The following LIMCH1 variants were observed in gnomAD, a reference collection of about 807,000 sequenced individuals.
LIMCH1 encodes the protein LIM and calponin homology domains-containing protein 1.
In LIMCH1, 113 loss-of-function variants were observed where a neutral mutation model predicts 176.5. The observed-to-expected ratio is 0.64, with a 90% CI of 0.55 to 0.75. The LOEUF (loss-of-function observed/expected upper bound fraction) is 0.75. Ranked by LOEUF, LIMCH1 falls within the 30% of genes least tolerant of loss-of-function variation. LIMCH1 has a pLI of 0.00. For missense variants in LIMCH1, 1,674 were observed against 1,814.9 expected (o/e 0.92, Z 1.41); for synonymous variants, 619 against 645.9 (o/e 0.96, Z 0.63).
At chr4:41,682,539 G>C in intron 26 of LIMCH1, 79 bp downstream of exon 26, 1 of 1,375,374 alleles carries the variant, frequency 7.3e-7, no homozygotes, top group Non-Finnish European at 9.9e-7. Context: ...GGTACTCATT[G>C]CTGATGCAAA....
At chr4:41,364,537 C>T (rs997870984) in intron 1 of LIMCH1, among the ~76,000 whole-genome samples, 2 of 152,160 alleles carry the variant, frequency 1.3e-5, no homozygotes, top group Admixed American at 1.3e-4. Context: ...TAACTAGATG[C>T]TACATGTCAC....
chr4:41,456,028 T>C (rs1298466460), intron 1 of LIMCH1, among the ~76,000 whole-genome samples: 1 of 148,674 alleles, frequency 6.7e-6, no homozygotes, highest in Non-Finnish European at 1.5e-5. Flanking sequence ...ACACTTTTTT[T>C]TGTTTGTTTG....
chr4:41,460,458 C>CTATATATGTATATATATATATA (rs2065175107), intron 1 of LIMCH1, among the ~76,000 whole-genome samples: 1 of 110,546 alleles, frequency 9.0e-6, no homozygotes, highest in Non-Finnish European at 1.8e-5. Flanking sequence ...TAGTAATCAT[C>CTATATATGTATATATATATATA]TATATATATA....
intron 1 of LIMCH1, among the ~76,000 whole-genome samples, chr4:41,468,011 T>C (rs1157171752): frequency 6.6e-6 from 1 of 152,146 alleles, no homozygotes; most frequent in African/African-American, 2.4e-5. Context: ...TCATTTGCTT[T>C]TCATATGGTA....
chr4:41,546,867 G>C (rs35607003), intron 1 of LIMCH1, among the ~76,000 whole-genome samples: 2 of 152,158 alleles, frequency 1.3e-5, no homozygotes, highest in East Asian at 3.9e-4. Context: ...AAGCGAGAGA[G>C]AGAAAGAGAG....
intron 3 of LIMCH1, among the ~76,000 whole-genome samples, chr4:41,524,870 A>AC (rs1184480907): frequency 6.6e-6 from 1 of 152,228 alleles, no homozygotes; most frequent in African/African-American, 2.4e-5. Context: ...AAGAGAAAAC[A>AC]GTCGTTTTAT....
At chr4:41,399,840 A>ATTTTT (rs71198650) in intron 1 of LIMCH1, among the ~76,000 whole-genome samples, 2,821 of 114,026 alleles carry the variant, frequency 0.025, 251 homozygotes, top group African/African-American at 0.1. Context: ...TGCCCGGCTA[A>ATTTTT]TTTTTTTTTT....
chr4:41,368,268 G>A (rs979472902), intron 1 of LIMCH1, among the ~76,000 whole-genome samples: 2 of 152,202 alleles, frequency 1.3e-5, no homozygotes, highest in African/African-American at 4.8e-5. Context: ...ATTTTAATGT[G>A]TGAAAGTGTG....
At chr4:41,381,930 C>T (rs1452292191) in intron 1 of LIMCH1, among the ~76,000 whole-genome samples, 4 of 152,160 alleles carry the variant, frequency 2.6e-5, no homozygotes, top group Admixed American at 2.6e-4. Context: ...CTGTACTCAC[C>T]GGATCCCAGT....
At chr4:41,411,986 A>T (rs1390628744) in intron 1 of LIMCH1, among the ~76,000 whole-genome samples, 1 of 136,980 alleles carries the variant, frequency 7.3e-6, no homozygotes, top group Admixed American at 7.6e-5. Context: ...AAAAAAAAAA[A>T]GGATAGCCCT....
At chr4:41,414,678 AGT>A (rs1321000829) in intron 1 of LIMCH1, among the ~76,000 whole-genome samples, 2 of 152,256 alleles carry the variant, frequency 1.3e-5, no homozygotes, top group African/African-American at 2.4e-5. Flanking sequence ...GTTGGTCCTG[AGT>A]GTGAAATTTC....
intron 1 of LIMCH1, among the ~76,000 whole-genome samples, chr4:41,401,964 C>T (rs143467304): frequency 0.012 from 1,771 of 152,266 alleles, 37 homozygotes; most frequent in African/African-American, 0.04. Flanking sequence ...GATATACAAT[C>T]GTGTCGTCTG....
At chr4:41,412,679 T>G (rs138854836) in intron 1 of LIMCH1, among the ~76,000 whole-genome samples, 4 of 152,260 alleles carry the variant, frequency 2.6e-5, no homozygotes, top group East Asian at 3.9e-4. Context: ...GGTGGGGAAA[T>G]GAGCAGTAGA....
At chr4:41,694,556 C>T (rs1728956995) in intron 31 of LIMCH1, among the ~76,000 whole-genome samples, 1 of 152,096 alleles carries the variant, frequency 6.6e-6, no homozygotes, top group Admixed American at 6.6e-5. Flanking sequence ...GTAACTTTTC[C>T]AGATAACATG....
chr4:41,443,192 CTTTTTTTTTTTTTTT>C (rs916559501), intron 1 of LIMCH1, among the ~76,000 whole-genome samples: 28 of 39,678 alleles, frequency 7.1e-4, no homozygotes, highest in Admixed American at 3.1e-3. Context: ...TGTTTTTTTT[CTTTTTTTTTTTTTTT>C]TTTTTTTTTT....
chr4:41,540,105 T>C (rs995486062), intron 1 of LIMCH1, among the ~76,000 whole-genome samples: 1 of 152,246 alleles, frequency 6.6e-6, no homozygotes, highest in Non-Finnish European at 1.5e-5. Flanking sequence ...AGTTGTGTGC[T>C]GATCTTTGGC....
chr4:41,441,288 A>G (rs1336339865), intron 1 of LIMCH1, among the ~76,000 whole-genome samples: 5 of 152,250 alleles, frequency 3.3e-5, no homozygotes, highest in Admixed American at 3.3e-4. Flanking sequence ...ATTTAAATCT[A>G]TTAGCAATGT....
rs1035533148 is a variant in LIMCH1, at chr4:41,416,672, A to G, written c.96+55736A>G. On this transcript the variant is annotated intron_variant, in intron 1 of 26. Transcript: ENST00000313860. ...GATTCCATCTCAAAAACAAAAAAAA[A>G]AAAAAGAAAATTTTATCACTAGGTT... Among the ~76,000 whole-genome samples the G allele has an allele frequency of 1.4e-4, 22 of 152,116 alleles. No individual in the cohort carries two copies. In the South Asian group the frequency reaches 3.3e-3, roughly 23 times the overall value.
chr4:41,370,429 T>G (rs190877162), intron 1 of LIMCH1, among the ~76,000 whole-genome samples: 4 of 152,292 alleles, frequency 2.6e-5, no homozygotes, highest in Non-Finnish European at 5.9e-5. Flanking sequence ...GTATCCATGG[T>G]ATCAATAAAT....
Sources: gnomAD v4.1 joint callset for allele counts (sites outside exome capture counted in the v4.1 genomes callset) on GRCh38, gnomAD v4.1.1 for gene constraint, MANE v1.5 for transcripts, NCBI Gene and HGNC (gene_info 2026-07-23, HGNC 2026-07-21) for gene names.